Variants in ZNF680 observed in about 807,000 individuals in gnomAD.
ZNF680 encodes hypothetical protein FLJ90430.
A neutral mutation model predicts 12.1 loss-of-function variants in ZNF680; 6 were observed. The observed-to-expected ratio is 0.49, with a 90% CI of 0.27 to 0.98. The LOEUF (loss-of-function observed/expected upper bound fraction) is 0.98. Among genes scored for constraint, ZNF680 ranks in the 50% least tolerant of loss-of-function variants. The probability of loss-of-function intolerance (pLI) is 0.12; values close to 1 mark genes in which losing one functional copy is unlikely to be tolerated. For synonymous variants in ZNF680, 170 were observed against 199.3 expected, an observed-to-expected ratio of 0.85 and a Z score of 1.24; for missense variants, 561 against 616.3, an observed-to-expected ratio of 0.91 and a Z score of 0.95.
intron 3 of ZNF680, 147 bp from the exon 4 acceptor site, chr7:64,522,647 A>G: frequency 3.6e-6 from 2 of 557,558 alleles, no homozygotes; most frequent in Non-Finnish European, 5.4e-6. Flanking sequence ...AAAAAAAAAA[A>G]GTTATGTACA....
At chr7:64,528,769 C>A (rs1785701942) in intron 3 of ZNF680, among the ~76,000 whole-genome samples, 1 of 152,134 alleles carries the variant, frequency 6.6e-6, no homozygotes, top group Admixed American at 6.6e-5. Flanking sequence ...AGGGCATATA[C>A]TCTAAGAAGT....
chr7:64,505,384 A>G, the ZNF680 span, among the ~76,000 whole-genome samples: 1 of 152,254 alleles, frequency 6.6e-6, no homozygotes, highest in African/African-American at 2.4e-5. Context: ...GTCAATTATT[A>G]ATAAATTTAT....
intron 1 of ZNF680, among the ~76,000 whole-genome samples, chr7:64,559,460 A>AT (rs1787603542): frequency 6.8e-6 from 1 of 148,060 alleles, no homozygotes; most frequent in South Asian, 2.2e-4. Flanking sequence ...TTTTTGTTTT[A>AT]TTTGTTTGTT....
intron 3 of ZNF680, chr7:64,526,281 C>T: frequency 8.7e-7 from 1 of 1,147,972 alleles, no homozygotes; most frequent in Non-Finnish European, 1.1e-6. Flanking sequence ...AAATTCCTAA[C>T]CAAGAATACT....
chr7:64,543,951 A>T, intron 2 of ZNF680, 149 bp from the exon 3 acceptor site: 1 of 730,780 alleles, frequency 1.4e-6, no homozygotes. Flanking sequence ...AAATATTTAG[A>T]AAATACTTTA....
intron 1 of ZNF680, among the ~76,000 whole-genome samples, chr7:64,551,089 A>C (rs974079805): frequency 1.2e-4 from 18 of 152,230 alleles, no homozygotes; most frequent in African/African-American, 4.3e-4. Context: ...AGAAAAACTT[A>C]CAGCACCATG....
chr7:64,543,790 G>A lies in ZNF680; in HGVS notation c.170C>T (p.Ser57Phe). The A allele has an allele frequency of 6.2e-7, 1 of 1,612,902 alleles. No homozygotes were observed. Among genetic ancestry groups the A allele is most frequent in the South Asian group, 1.1e-5 (1 of 90,906 alleles). ...RNLVFLGIAV[S>F]KPHLITCLEQ... ...CAAACAGGTTATCAGGTGAGGCTTA[G>A]AGACAGCAATACCTGTTTTATTAAA... Residue 57 changes from serine to phenylalanine, a missense_variant, in exon 3 of 4, where the codon TCT (serine) becomes TTT (phenylalanine). Physicochemically the swap from Ser to Phe is radical, Grantham distance 155. Coordinates refer to ENST00000309683, the MANE Select transcript of ZNF680 (RefSeq NM_178558.5).
intron 1 of ZNF680, among the ~76,000 whole-genome samples, chr7:64,547,621 G>C (rs556523226): frequency 6.6e-6 from 1 of 152,062 alleles, no homozygotes; most frequent in Non-Finnish European, 1.5e-5. Flanking sequence ...CTGTTTCTCT[G>C]TCATTGATTT....
At chr7:64,529,138 A>G (rs1785725450) in intron 3 of ZNF680, among the ~76,000 whole-genome samples, 1 of 152,168 alleles carries the variant, frequency 6.6e-6, no homozygotes, top group African/African-American at 2.4e-5. Context: ...ATACCAAATA[A>G]AGGGAACAAA....
At position 64,531,220 on chromosome 7, in the gene ZNF680, T is replaced by C. The variant is rs145537256; in HGVS notation, c.254-8720A>G. On this transcript the variant is annotated intron_variant, in intron 3 of 3. Transcript: ENST00000309683. ...GTGAAACTTTCTCCAAGATAGACCA[T>C]ATGATAGGCCACAAAACAAGCCTCA... Among the ~76,000 whole-genome samples the C allele has an allele frequency of 3.0e-4, 45 of 152,240 alleles. 1 individual carries two copies. Among genetic ancestry groups the C allele is most frequent in the African/African-American group, 1.1e-3 (45 of 41,554 alleles).
At chr7:64,547,847 A>T (rs1786865066) in intron 1 of ZNF680, among the ~76,000 whole-genome samples, 1 of 152,222 alleles carries the variant, frequency 6.6e-6, no homozygotes, top group African/African-American at 2.4e-5. Flanking sequence ...TAAGGCCCTA[A>T]AATAAATATT....
At chr7:64,552,568 A>G (rs553214612) in intron 1 of ZNF680, among the ~76,000 whole-genome samples, 36 of 152,328 alleles carry the variant, frequency 2.4e-4, no homozygotes, top group African/African-American at 7.7e-4. Flanking sequence ...AGATAAGGTA[A>G]TAAGTATGTA....
At chr7:64,513,965 A>G in the ZNF680 span, among the ~76,000 whole-genome samples, 10,133 of 152,256 alleles carry the variant, frequency 0.067, 483 homozygotes, top group Admixed American at 0.1. Flanking sequence ...TTATGTAATA[A>G]TAAGAGCTAG....
chr7:64,511,796 TG>T, the ZNF680 span, among the ~76,000 whole-genome samples: 1 of 152,182 alleles, frequency 6.6e-6, no homozygotes, highest in African/African-American at 2.4e-5. Context: ...CAGCAGCTCA[TG>T]CCTGTAATCC....
the ZNF680 span, among the ~76,000 whole-genome samples, chr7:64,505,510 G>GT: frequency 6.6e-6 from 1 of 152,162 alleles, no homozygotes; most frequent in African/African-American, 2.4e-5. Flanking sequence ...TTTGTAATGA[G>GT]TAGTGTAAAA....
intron 3 of ZNF680, among the ~76,000 whole-genome samples, chr7:64,526,766 C>G (rs1310534328): frequency 8.6e-5 from 13 of 152,014 alleles, no homozygotes; most frequent in Admixed American, 8.5e-4. Context: ...TTAACATCAA[C>G]AAAAAACTGG....
At chr7:64,513,649 A>C in the ZNF680 span, among the ~76,000 whole-genome samples, 1 of 143,060 alleles carries the variant, frequency 7.0e-6, no homozygotes, top group Non-Finnish European at 1.6e-5. Flanking sequence ...TTTAATTAAA[A>C]ATTTTTTTTT....
the ZNF680 span, among the ~76,000 whole-genome samples, chr7:64,510,247 C>CT: frequency 6.6e-6 from 1 of 150,426 alleles, no homozygotes; most frequent in Non-Finnish European, 1.5e-5. Context: ...AAAAAACTTT[C>CT]TAATATGCAT....
At chr7:64,537,797 G>A (rs1001823647) in intron 3 of ZNF680, among the ~76,000 whole-genome samples, 2 of 152,102 alleles carry the variant, frequency 1.3e-5, no homozygotes, top group Admixed American at 1.3e-4. Flanking sequence ...GGGCGTGGTG[G>A]CGGGCGCCTG....
Sources: allele counts gnomAD v4.1 joint callset (sites outside exome capture counted in the v4.1 genomes callset), GRCh38; gene constraint gnomAD v4.1.1; transcripts MANE v1.5; gene names NCBI Gene and HGNC (gene_info 2026-07-23, HGNC 2026-07-21).